The following PIERCE1 variants were observed in gnomAD, a reference collection of about 807,000 sequenced individuals.
PIERCE1 encodes the protein piercer of microtubule wall 1 protein.
the PIERCE1 span, among the ~76,000 whole-genome samples, chr9:135,496,637 T>C: frequency 6.6e-6 from 1 of 152,208 alleles, no homozygotes; most frequent in African/African-American, 2.4e-5. Context: ...CAGTTCCCCC[T>C]GTCCTTAGCA....
chr9:135,498,548 C>T, the PIERCE1 span: 3 of 1,599,678 alleles, frequency 1.9e-6, no homozygotes, highest in Admixed American at 1.7e-5. This position sits in a 1 kb window ranked among gnomAD's most constrained non-coding sequence, Gnocchi z 4.1. Context: ...GGCCACCCAC[C>T]CCCTGCCCCC....
At chr9:135,497,538 GCCT>G in the PIERCE1 span, among the ~76,000 whole-genome samples, 2 of 152,090 alleles carry the variant, frequency 1.3e-5, no homozygotes, top group African/African-American at 4.8e-5. Context: ...TCCACCCTCA[GCCT>G]CCTGAATAGC....
chr9:135,496,284 T>G, the PIERCE1 span, among the ~76,000 whole-genome samples: 5 of 152,228 alleles, frequency 3.3e-5, no homozygotes, highest in African/African-American at 4.8e-5. Flanking sequence ...GCCATTGCAG[T>G]CCTGCCTGGG....
At chr9:135,498,775 A>G in the PIERCE1 span, 1 of 977,570 alleles carries the variant, frequency 1.0e-6, no homozygotes. The surrounding 1 kb of genome is among the most constrained non-coding windows in gnomAD (Gnocchi z 4.1). Context: ...GGAAAGAGCA[A>G]TATGCCCGGG....
chr9:135,495,685 A>G, the PIERCE1 span: 3 of 1,348,404 alleles, frequency 2.2e-6, no homozygotes, highest in Non-Finnish European at 3.1e-6. Context: ...ATATTTTTGA[A>G]AGAAAAATAA....
the PIERCE1 span, chr9:135,498,599 C>T: frequency 1.2e-4 from 199 of 1,613,958 alleles, no homozygotes; most frequent in Non-Finnish European, 1.0e-4. This position sits in a 1 kb window ranked among gnomAD's most constrained non-coding sequence, Gnocchi z 4.1. Context: ...ATCTCGTGCA[C>T]GGTGGGGGCT....
chr9:135,498,326 G>T, the PIERCE1 span, among the ~76,000 whole-genome samples: 73 of 152,108 alleles, frequency 4.8e-4, no homozygotes, highest in Non-Finnish European at 8.5e-4. The surrounding 1 kb of genome is among the most constrained non-coding windows in gnomAD (Gnocchi z 4.1). Context: ...GGGGCAGGGT[G>T]ATGTCAGCAA....
the PIERCE1 span, chr9:135,499,768 G>GT: frequency 1.2e-6 from 2 of 1,606,958 alleles, no homozygotes; most frequent in African/African-American, 2.7e-5. Context: ...CGCTCACGCG[G>GT]TAGTAGTCGC....
At chr9:135,495,733 G>T in the PIERCE1 span, 1 of 960,598 alleles carries the variant, frequency 1.0e-6, no homozygotes, top group Non-Finnish European at 1.5e-6. Context: ...AGAGTGGGTA[G>T]GATGGCCTGG....
chr9:135,497,704 C>T, the PIERCE1 span, among the ~76,000 whole-genome samples: 10 of 152,288 alleles, frequency 6.6e-5, no homozygotes, highest in African/African-American at 1.9e-4. Flanking sequence ...GGATTACAGG[C>T]GTGAGCCACC....
At chr9:135,495,346 G>A in the PIERCE1 span, 17 of 1,302,710 alleles carry the variant, frequency 1.3e-5, no homozygotes, top group East Asian at 4.7e-5. Context: ...CGTCACAATC[G>A]GGCGACTGTG....
chr9:135,499,429 G>C, the PIERCE1 span: 1 of 673,730 alleles, frequency 1.5e-6, no homozygotes, highest in South Asian at 1.5e-5. Flanking sequence ...GGGTAGAGAG[G>C]AGAGGAGACT....
At chr9:135,495,882 A>G in the PIERCE1 span, among the ~76,000 whole-genome samples, 1 of 152,156 alleles carries the variant, frequency 6.6e-6, no homozygotes, top group African/African-American at 2.4e-5. Flanking sequence ...GGCTGTGAGC[A>G]TCGCCTTGGG....
At chr9:135,499,238 C>CT in the PIERCE1 span, among the ~76,000 whole-genome samples, 2 of 152,276 alleles carry the variant, frequency 1.3e-5, no homozygotes, top group African/African-American at 2.4e-5. Context: ...AGACCCTGCC[C>CT]TAGAGGACTG....
the PIERCE1 span, chr9:135,499,099 A>C: frequency 3.7e-6 from 1 of 266,814 alleles, no homozygotes. Flanking sequence ...CACTGCCCCT[A>C]CCTGTCAGTA....
At chr9:135,499,657 C>G in the PIERCE1 span, 1 of 1,593,206 alleles carries the variant, frequency 6.3e-7, no homozygotes, top group Non-Finnish European at 8.5e-7. Context: ...CTCTCACACA[C>G]GGGGCTATCG....
At chr9:135,499,378 G>GT in the PIERCE1 span, 3 of 591,152 alleles carry the variant, frequency 5.1e-6, no homozygotes, top group African/African-American at 3.7e-5. Flanking sequence ...CAGCAAGACA[G>GT]TGGAGGTGCT....
At chr9:135,499,839 A>G in the PIERCE1 span, 2 of 1,587,748 alleles carry the variant, frequency 1.3e-6, no homozygotes, top group Non-Finnish European at 1.7e-6. Flanking sequence ...GCTCTGGGGC[A>G]TTCCTCAGCC....
At chr9:135,499,819 C>A in the PIERCE1 span, 4 of 1,602,094 alleles carry the variant, frequency 2.5e-6, no homozygotes, top group Non-Finnish European at 2.6e-6. Flanking sequence ...GCGCCACAGG[C>A]TCCGCGCACG....
Sources: gnomAD v4.1 joint callset for allele counts (sites outside exome capture counted in the v4.1 genomes callset) on GRCh38, gnomAD v4.1.1 for gene constraint, Gnocchi (gnomAD v3.1) non-coding constraint, MANE v1.5 for transcripts, NCBI Gene and HGNC (gene_info 2026-07-23, HGNC 2026-07-21) for gene names.